TTC9: variants seen among roughly 807,000 people sequenced by gnomAD.
TTC9 encodes the protein tetratricopeptide repeat protein 9A.
TTC9 carries 13 observed loss-of-function variants against 22.9 expected under a neutral mutation model. The ratio of observed to expected loss-of-function variants is 0.57; its 90% CI spans 0.37 to 0.90. The LOEUF is 0.90. TTC9 is among the 40% of genes least tolerant of loss of function. The probability of loss-of-function intolerance (pLI) is 0.01; values close to 1 mark genes in which losing one functional copy is unlikely to be tolerated. For missense variants in TTC9, 280 were observed against 291.8 expected (o/e 0.96, Z 0.29); for synonymous variants, 148 against 133.2 (o/e 1.11, Z -0.77).
At position 70,652,885 on chromosome 14, in the gene TTC9, A is replaced by G. The variant is rs61980468; in HGVS notation, c.406+10350A>G. On this transcript the variant is annotated intron_variant, in intron 1 of 2. Transcript: ENST00000256367. Reference sequence around the variant, plus strand: ...AGAGGGGGGTATCCCATGAGTGCCCATGAGGATGGAAGGAAGATAGAACAC... The same window carrying G: ...AGAGGGGGGTATCCCATGAGTGCCCGTGAGGATGGAAGGAAGATAGAACAC... Among the ~76,000 whole-genome samples, 586 of 152,224 alleles carry G rather than the reference A, an allele frequency of 3.8e-3. 3 individuals are homozygous for G. The highest frequency in any genetic ancestry group is 0.014 in the African/African-American group (561 of 41,550).
At chr14:70,655,408 A>AAC (rs1432728034) in intron 1 of TTC9, among the ~76,000 whole-genome samples, 26 of 150,074 alleles carry the variant, frequency 1.7e-4, no homozygotes, top group Admixed American at 4.0e-4. Context: ...TCAAGAAACA[A>AAC]AAAAAAAAAA....
At chr14:70,653,708 CT>C (rs1289785705) in intron 1 of TTC9, among the ~76,000 whole-genome samples, 4 of 136,040 alleles carry the variant, frequency 2.9e-5, no homozygotes, top group African/African-American at 1.1e-4. Context: ...AGGATTCCCC[CT>C]GACCCTGTCT....
rs1371042476 is a variant in TTC9, at chr14:70,642,394, G to C, written c.265G>C (p.Gly89Arg). 6.2e-7 allele frequency: 1 copy of C among 1,603,070 alleles called. No homozygotes were observed. Among genetic ancestry groups the C allele is most frequent in the Admixed American group, 1.7e-5 (1 of 58,990 alleles). ...KYHRALLELK[G>R]LLPPPGERER... Reference sequence around the variant, plus strand: ...CCACCGGGCGTTGCTGGAGCTGAAGGGGCTGCTGCCGCCCCCCGGGGAACG... The same window carrying C: ...CCACCGGGCGTTGCTGGAGCTGAAGCGGCTGCTGCCGCCCCCCGGGGAACG... Residue 89 changes from glycine (G) to arginine (R), a missense_variant, in exon 1 of 3, where the codon GGG becomes CGG. By Grantham distance (125) the Gly-to-Arg change is moderately radical. Coordinates refer to ENST00000256367, the MANE Select transcript of TTC9 (RefSeq NM_015351.2).
rs1473253488 is a variant in TTC9 at position 70,642,545 on chromosome 14, G to A, written c.406+10G>A. 2 of 1,532,940 alleles carry A rather than the reference G, an allele frequency of 1.3e-6. No homozygotes were observed. The allele number at this position is 1,532,940 out of a possible 1,614,324, so 95.0% of individuals were successfully genotyped here. On this transcript the variant is annotated intron_variant, in intron 1 of 2. Coordinates refer to ENST00000256367, the MANE Select transcript of TTC9 (RefSeq NM_015351.2). ...TACAACAGCCTGGCAGGTGAGCCGC[G>A]CCGCGCCCCCCGCGCCGCGGTCCCC...
At chr14:70,668,566 G>T (rs1413126332) in intron 2 of TTC9, among the ~76,000 whole-genome samples, 1 of 152,238 alleles carries the variant, frequency 6.6e-6, no homozygotes, top group Non-Finnish European at 1.5e-5. Context: ...GAGTAAATGG[G>T]GGCGCTGGGC....
Position 70,671,520 on chromosome 14 carries a change from G to A in TTC9, c.*365G>A, listed in dbSNP as rs1886294858. 1.3e-5 allele frequency: 3 copies of A among 236,124 alleles called. No individual in the cohort carries two copies. In the South Asian group the frequency reaches 1.8e-4, roughly 14 times the overall value. 14.6% of individuals were successfully genotyped at this position (236,124 alleles called of 1,614,324 possible). On this transcript the variant is annotated 3_prime_UTR_variant, in exon 3 of 3. Coordinates refer to ENST00000256367, the MANE Select transcript of TTC9 (RefSeq NM_015351.2). ...GCCTGGCAAGTGTACCATCCCACAG[G>A]CAGCAGGCACACAGCCCATGGGCTG...
intron 2 of TTC9, among the ~76,000 whole-genome samples, chr14:70,667,966 G>A (rs1886237632): frequency 1.3e-5 from 2 of 152,176 alleles, no homozygotes; most frequent in South Asian, 4.1e-4. Context: ...TCTTCAAATA[G>A]AGTATAGAAT....
chr14:70,653,630 A>C (rs1354066901), intron 1 of TTC9, among the ~76,000 whole-genome samples: 1 of 152,134 alleles, frequency 6.6e-6, no homozygotes, highest in Non-Finnish European at 1.5e-5. Flanking sequence ...CTCCAGCCTG[A>C]GATTCTCCAA....
At chr14:70,648,770 A>G (rs1594735317) in intron 1 of TTC9, among the ~76,000 whole-genome samples, 1 of 152,192 alleles carries the variant, frequency 6.6e-6, no homozygotes, top group Non-Finnish European at 1.5e-5. Flanking sequence ...TTTCCGTTTC[A>G]CCCAGATGAT....
Position 70,642,100 on chromosome 14 carries a change from G to C in TTC9, c.-30G>C. ...CGGCGGCGGCGGCGGGCAGATCGCG[G>C]CGCGCACCAGGCGCCGGGGCGGCGG... On this transcript the variant is annotated 5_prime_UTR_variant, in exon 1 of 3. Coordinates refer to ENST00000256367, the MANE Select transcript of TTC9 (RefSeq NM_015351.2). 9.3e-7 allele frequency: 1 copy of C among 1,075,026 alleles called. No individual in the cohort carries two copies. The allele number at this position is 1,075,026 out of a possible 1,614,324, so 66.6% of individuals were successfully genotyped here.
intron 1 of TTC9, among the ~76,000 whole-genome samples, chr14:70,665,783 G>A (rs1886207502): frequency 1.3e-5 from 2 of 152,294 alleles, no homozygotes; most frequent in Non-Finnish European, 1.5e-5. Flanking sequence ...TGATACCTGG[G>A]AAGTTATTTA....
In TTC9 at chr14:70,642,307, T is replaced by C. The variant is rs1454897516; in HGVS notation, c.178T>C (p.Phe60Leu). The C allele has an allele frequency of 6.4e-7, 1 of 1,556,662 alleles. No homozygotes were observed. Among genetic ancestry groups the C allele is most frequent in the African/African-American group, 1.4e-5 (1 of 70,782 alleles). Residue 60 changes from phenylalanine (F) to leucine (L), a missense_variant, in exon 1 of 3, where the codon TTC becomes CTC. Physicochemically the swap from Phe to Leu is conservative, Grantham distance 22 (BLOSUM62 0). This residue lies in a region of TTC9 where 165 missense variants were observed against 145.4 expected (regional missense o/e 1.14). Coordinates refer to ENST00000256367, the MANE Select transcript of TTC9 (RefSeq NM_015351.2). ...PAELIRRAHE[F>L]KSQGAQCYKD... ...CGAGCTCATCCGACGAGCGCACGAGTTCAAAAGCCAAGGGGCGCAGTGCTA... is the reference window on the plus strand; with the variant it reads ...CGAGCTCATCCGACGAGCGCACGAGCTCAAAAGCCAAGGGGCGCAGTGCTA...
At chr14:70,665,752 C>T (rs1171334110) in intron 1 of TTC9, among the ~76,000 whole-genome samples, 1 of 152,176 alleles carries the variant, frequency 6.6e-6, no homozygotes, top group Admixed American at 6.6e-5. Flanking sequence ...AATCTGGTCT[C>T]TTAAAAAATC....
rs919726003 is a variant in TTC9 at position 70,642,538 on chromosome 14, G to A, written c.406+3G>A. On this transcript the variant is annotated splice_donor_region_variant and intron_variant, in intron 1 of 2. Transcript: ENST00000256367. ...CGACTGTTACAACAGCCTGGCAGGTGAGCCGCGCCGCGCCCCCCGCGCCGC... is the reference window on the plus strand; with the variant it reads ...CGACTGTTACAACAGCCTGGCAGGTAAGCCGCGCCGCGCCCCCCGCGCCGC... 6.6e-7 allele frequency: 1 copy of A among 1,516,158 alleles called. No homozygotes were observed. Among genetic ancestry groups the A allele is most frequent in the Non-Finnish European group, 8.9e-7 (1 of 1,125,958 alleles). 93.9% of individuals were successfully genotyped at this position (1,516,158 alleles called of 1,614,324 possible).
intron 1 of TTC9, among the ~76,000 whole-genome samples, chr14:70,645,344 G>A (rs1216339137): frequency 6.6e-6 from 1 of 152,130 alleles, no homozygotes; most frequent in East Asian, 1.9e-4. Context: ...CTCTAATCCA[G>A]TTAGAAACCC....
At position 70,671,513 on chromosome 14, in the gene TTC9, C is replaced by T; in HGVS notation, c.*358C>T. The stretch of plus-strand genomic sequence containing the variant: ...AGGCGGAGCCTGGCAAGTGTACCAT[C>T]CCACAGGCAGCAGGCACACAGCCCA... On this transcript the variant is annotated 3_prime_UTR_variant, in exon 3 of 3. Coordinates refer to ENST00000256367, the MANE Select transcript of TTC9 (RefSeq NM_015351.2). The T allele has an allele frequency of 4.2e-6, 1 of 240,170 alleles. No homozygotes were observed. The highest frequency in any genetic ancestry group is 5.8e-5 in the South Asian group (1 of 17,114). The allele number at this position is 240,170 out of a possible 1,614,324, so 14.9% of individuals were successfully genotyped here. A position where few individuals can be genotyped will look rare whatever the true frequency, so the allele number is the denominator to read the frequency against.
At position 70,672,950 on chromosome 14, in the gene TTC9, A is replaced by T. The variant is rs749225767; in HGVS notation, c.*1795A>T. The T allele has an allele frequency of 2.0e-5, 3 of 152,228 alleles. No homozygotes were observed. Among genetic ancestry groups the T allele is most frequent in the Non-Finnish European group, 4.4e-5 (3 of 68,040 alleles). The allele number at this position is 152,228 out of a possible 1,614,324, so 9.4% of individuals were successfully genotyped here. On this transcript the variant is annotated 3_prime_UTR_variant, in exon 3 of 3. Transcript: ENST00000256367. ...GCAATTATAACCATTTGAGAACAGG[A>T]CAATATGTATTAACCTGAAAAGTGT...
intron 2 of TTC9, among the ~76,000 whole-genome samples, chr14:70,669,281 A>G (rs533246493): frequency 6.6e-6 from 1 of 152,056 alleles, no homozygotes; most frequent in African/African-American, 2.4e-5. Context: ...TTATATGGTT[A>G]ATAATTTTTC....
In TTC9 at chr14:70,671,621, A is replaced by G. The variant is rs1406789654; in HGVS notation, c.*466A>G. 6.2e-6 allele frequency: 1 copy of G among 160,562 alleles called. No homozygotes were observed. Among genetic ancestry groups the G allele is most frequent in the Non-Finnish European group, 1.4e-5 (1 of 73,376 alleles). 9.9% of individuals were successfully genotyped at this position (160,562 alleles called of 1,614,324 possible). A position where few individuals can be genotyped will look rare whatever the true frequency, so the allele number is the denominator to read the frequency against. On this transcript the variant is annotated 3_prime_UTR_variant, in exon 3 of 3. Coordinates refer to ENST00000256367, the MANE Select transcript of TTC9 (RefSeq NM_015351.2). Reference sequence around the variant, plus strand: ...CTGTTAGAAATCCAGGGACGAGACAAACAGAGAAGCGCTGGTGAAGCCAAC... The same window carrying G: ...CTGTTAGAAATCCAGGGACGAGACAGACAGAGAAGCGCTGGTGAAGCCAAC...
Sources: gnomAD v4.1 joint callset for allele counts (sites outside exome capture counted in the v4.1 genomes callset) on GRCh38, gnomAD v4.1.1 for gene constraint, gnomAD v4.1.1 regional missense constraint, MANE v1.5 for transcripts, NCBI Gene and HGNC (gene_info 2026-07-23, HGNC 2026-07-21) for gene names.